The following LRRK2 variants were observed in gnomAD, a reference collection of about 807,000 sequenced individuals.
LRRK2 encodes the protein leucine rich repeat kinase 2.
A neutral mutation model predicts 302.6 loss-of-function variants in LRRK2; 203 were observed. The ratio of observed to expected loss-of-function variants is 0.67; its 90% CI spans 0.60 to 0.75. The LOEUF (loss-of-function observed/expected upper bound fraction) is 0.75, where lower values mean the gene tolerates loss of function less well. LRRK2 is among the 30% of genes least tolerant of loss of function. The probability of loss-of-function intolerance (pLI) is 0.00; values close to 1 mark genes in which losing one functional copy is unlikely to be tolerated. For synonymous variants in LRRK2, 1,066 were observed against 1,031.9 expected, an observed-to-expected ratio of 1.03 and a Z score of -0.63; for missense variants, 2,830 against 2,951.0, an observed-to-expected ratio of 0.96 and a Z score of 0.95.
intron 31 of LRRK2, among the ~76,000 whole-genome samples, chr12:40,312,411 G>A (rs1251045091): frequency 6.6e-6 from 1 of 152,104 alleles, no homozygotes; most frequent in Non-Finnish European, 1.5e-5. Flanking sequence ...CTGTGAGCCT[G>A]CCAGAACTTG....
At position 40,225,055 on chromosome 12, in the gene LRRK2, TGGCCGGCGCC is replaced by T; in HGVS notation, c.-76_-67del. 1 of 1,588,066 alleles carries T rather than the reference TGGCCGGCGCC, an allele frequency of 6.3e-7. No individual in the cohort carries two copies. Among genetic ancestry groups the T allele is most frequent in the Non-Finnish European group, 8.6e-7 (1 of 1,163,596 alleles). On this transcript the variant is annotated 5_prime_UTR_variant, in exon 1 of 51. Transcript: ENST00000298910. ...AGCTGAGCTCGCCCCCGGGGAGCTG[TGGCCGGCGCC>T]CCTGCCGGTTCCCTGAGCAGCGGAC...
At chr12:40,235,793 GTTTT>G (rs36024911) in intron 4 of LRRK2, 79 bp downstream of exon 4, 14,468 of 462,428 alleles carry the variant, frequency 0.031, 60 homozygotes, top group Middle Eastern at 0.1. Flanking sequence ...GTGTGTGTGT[GTTTT>G]TTTTTTTTTT....
chr12:40,345,656 G>A lies in LRRK2; in HGVS notation c.6110-1097G>A, dbSNP rs182747165. 1.2e-4 allele frequency among the ~76,000 whole-genome samples: 17 copies of A among 145,134 alleles called. No individual in the cohort carries two copies. The East Asian group carries it at 3.2e-3, about 27-fold the overall frequency. On this transcript the variant is annotated intron_variant, in intron 41 of 50. Coordinates refer to ENST00000298910, the MANE Select transcript of LRRK2 (RefSeq NM_198578.4). ...AAAAAAAAAAAAAAAGAAAGAAAGA[G>A]TAGTACAATATACATTCATACTCAT...
intron 25 of LRRK2, among the ~76,000 whole-genome samples, chr12:40,299,792 A>T (rs913144455): frequency 5.3e-5 from 8 of 152,136 alleles, no homozygotes; most frequent in Non-Finnish European, 8.8e-5. Flanking sequence ...TGCCAAACTA[A>T]TGCAAATTGT....
intron 14 of LRRK2, 55 bp downstream of exon 14, chr12:40,263,956 G>A (rs1358984731): frequency 8.4e-6 from 11 of 1,303,926 alleles, no homozygotes; most frequent in Non-Finnish European, 1.2e-5. Flanking sequence ...TATTAAATTT[G>A]GAGAACTAGG....
chr12:40,262,314 C>T (rs1942806991), intron 13 of LRRK2, among the ~76,000 whole-genome samples: 1 of 152,026 alleles, frequency 6.6e-6, no homozygotes, highest in African/African-American at 2.4e-5. Context: ...TAACAGCACT[C>T]CATGAGGCAG....
chr12:40,284,260 G>T (rs915570117), intron 19 of LRRK2, 127 bp downstream of exon 19: 5 of 726,862 alleles, frequency 6.9e-6, no homozygotes, highest in African/African-American at 2.4e-5. Context: ...CAAAGGTTTG[G>T]ATTTTTTTTT....
intron 14 of LRRK2, among the ~76,000 whole-genome samples, chr12:40,270,958 A>G (rs1943208195): frequency 6.6e-6 from 1 of 152,006 alleles, no homozygotes; most frequent in Non-Finnish European, 1.5e-5. Context: ...TTTTAATACA[A>G]AAATGGAGAC....
At chr12:40,234,970 T>G (rs1448587947) in intron 3 of LRRK2, among the ~76,000 whole-genome samples, 1 of 152,208 alleles carries the variant, frequency 6.6e-6, no homozygotes, top group African/African-American at 2.4e-5. Context: ...TGCTTTTAAC[T>G]TTTTAAATGA....
rs1945422229 is a variant in LRRK2, at chr12:40,322,189, A to C, written c.5317+8A>C. ...TTCCTTCTTGTAGAAAAGGTAAGGA[A>C]ATCAATTTGAATGTTTTCAATTGCA... On this transcript the variant is annotated splice_region_variant and intron_variant, in intron 36 of 50. Coordinates refer to ENST00000298910, the MANE Select transcript of LRRK2 (RefSeq NM_198578.4). 2 of 1,608,298 alleles carry C rather than the reference A, an allele frequency of 1.2e-6. No individual in the cohort carries two copies. Among genetic ancestry groups the C allele is most frequent in the Non-Finnish European group, 1.7e-6 (2 of 1,176,358 alleles).
At position 40,298,778 on chromosome 12, in the gene LRRK2, A is replaced by AAT. The variant is rs113272586; in HGVS notation, c.3347+305_3347+306dup. Reference sequence around the variant, plus strand: ...CAGAGGCGAGACTCTGTCTCAAAGAAATATATATATATATATATATAATAT... The same window carrying AAT: ...CAGAGGCGAGACTCTGTCTCAAAGAAATATATATATATATATATATATAATAT... On this transcript the variant is annotated intron_variant, in intron 24 of 50. Coordinates refer to ENST00000298910, the MANE Select transcript of LRRK2 (RefSeq NM_198578.4). 0.024 allele frequency among the ~76,000 whole-genome samples: 1,449 copies of AAT among 60,780 alleles called. 267 individuals carry two copies. The highest frequency in any genetic ancestry group is 0.14 in the South Asian group (207 of 1,474). 39.9% of individuals were successfully genotyped at this position (60,780 alleles called of 152,430 possible). A position where few individuals can be genotyped will look rare whatever the true frequency, so the allele number is the denominator to read the frequency against.
Position 40,322,527 on chromosome 12 carries a change from C to T in LRRK2, c.5509+17C>T. ...CAGAGGAAGGTATGTTTTGATACAA[C>T]TTACAAATGCTTTTAAGTGATCCTT... On this transcript the variant is annotated intron_variant, in intron 37 of 50. Transcript: ENST00000298910. The T allele has an allele frequency of 1.2e-6, 2 of 1,604,448 alleles. No individual in the cohort carries two copies. Among genetic ancestry groups the T allele is most frequent in the African/African-American group, 1.3e-5 (1 of 74,844 alleles).
chr12:40,328,465 G>C lies in LRRK2; in HGVS notation c.5757+5G>C. On this transcript the variant is annotated splice_donor_5th_base_variant and intron_variant, in intron 39 of 50. Transcript: ENST00000298910. ...TCACTCAGGCTGTTAAGACAAGTAAGAAATTCAATAATATAATTATATTAA... is the reference window on the plus strand; with the variant it reads ...TCACTCAGGCTGTTAAGACAAGTAACAAATTCAATAATATAATTATATTAA... 1.3e-6 allele frequency: 2 copies of C among 1,565,738 alleles called. No homozygotes were observed. The highest frequency in any genetic ancestry group is 1.8e-6 in the Non-Finnish European group (2 of 1,138,340).
Position 40,240,470 on chromosome 12 carries a change from T to C in LRRK2, c.572-13T>C. 1.2e-6 allele frequency: 2 copies of C among 1,610,426 alleles called. No homozygotes were observed. Among genetic ancestry groups the C allele is most frequent in the Non-Finnish European group, 1.7e-6 (2 of 1,177,430 alleles). ...CTTTAAGCTTATTCAGTATTTTGTC[T>C]TTCATTTTTAAGTCTCAGAGGAGCA... is the stretch of plus-strand genomic sequence containing the variant. On this transcript the variant is annotated splice_polypyrimidine_tract_variant and intron_variant, in intron 5 of 50. Transcript: ENST00000298910.
At chr12:40,252,291 C>G (rs1942308446) in intron 10 of LRRK2, among the ~76,000 whole-genome samples, 1 of 152,092 alleles carries the variant, frequency 6.6e-6, no homozygotes, top group African/African-American at 2.4e-5. Flanking sequence ...GTTTAATTAT[C>G]TATTGCTGAT....
At chr12:40,252,757 AATG>A (rs1317977316) in intron 10 of LRRK2, among the ~76,000 whole-genome samples, 150 bp from the exon 11 acceptor site, 6 of 152,348 alleles carry the variant, frequency 3.9e-5, no homozygotes, top group African/African-American at 7.2e-5. Context: ...AGTCTTAAAA[AATG>A]AACTATAATT....
rs1256336154 is a variant in LRRK2 at position 40,259,595 on chromosome 12, A to C, written c.1534A>C (p.Ile512Leu). ...LEALRAILHF[I>L]VPGMPEESRE... ...GGCGCTTCGAGCTATTTTACATTTT[A>C]TAGTGCCTGGTAAGTTACATAGTTG... Residue 512 changes from isoleucine (I) to leucine (L), a missense_variant, in exon 13 of 51, where the codon ATA (isoleucine) becomes CTA (leucine). Transcript: ENST00000298910. The C allele has an allele frequency of 6.2e-7, 1 of 1,613,194 alleles. No individual in the cohort carries two copies. The highest frequency in any genetic ancestry group is 1.7e-5 in the Admixed American group (1 of 59,970).
At chr12:40,294,788 A>G in intron 21 of LRRK2, 57 bp from the exon 22 acceptor site, 1 of 1,002,374 alleles carries the variant, frequency 1.0e-6, no homozygotes, top group Non-Finnish European at 1.5e-6. Context: ...TTCCTTATAA[A>G]AATGTCCTCT....
intron 20 of LRRK2, among the ~76,000 whole-genome samples, chr12:40,291,238 T>A (rs908542980): frequency 1.3e-5 from 2 of 151,020 alleles, no homozygotes; most frequent in South Asian, 2.1e-4. Context: ...ATGAGAACAC[T>A]TGGACACAGG....
Sources: allele counts gnomAD v4.1 joint callset (sites outside exome capture counted in the v4.1 genomes callset), GRCh38; gene constraint gnomAD v4.1.1; transcripts MANE v1.5; gene names NCBI Gene and HGNC (gene_info 2026-07-23, HGNC 2026-07-21).